Variants in THRB observed in about 807,000 individuals in gnomAD.
THRB encodes the protein nuclear receptor subfamily 1 group A member 2.
THRB carries 12 observed loss-of-function variants against 47.8 expected under a neutral mutation model. The observed-to-expected ratio is 0.25, with a 90% confidence interval of 0.16 to 0.41. The LOEUF (loss-of-function observed/expected upper bound fraction) is 0.41, where lower values mean the gene tolerates loss of function less well. Among genes scored for constraint, THRB ranks in the 10% least tolerant of loss-of-function variants. The pLI is 1.00. For synonymous variants in THRB, 218 were observed against 212.2 expected (o/e 1.03, Z -0.24); for missense variants, 348 against 589.2 (o/e 0.59, Z 4.24).
intron 4 of THRB, among the ~76,000 whole-genome samples, chr3:24,208,397 C>T (rs2045638587): frequency 6.6e-6 from 1 of 152,160 alleles, no homozygotes; most frequent in South Asian, 2.1e-4. Flanking sequence ...CCAAGACAAT[C>T]CTAAGCCAAA....
At chr3:24,123,927 G>GCAAA in intron 10 of THRB, among the ~76,000 whole-genome samples, 1 of 152,252 alleles carries the variant, frequency 6.6e-6, no homozygotes, top group East Asian at 1.9e-4. Context: ...TCCAAAAGTG[G>GCAAA]CAAACAAAGG....
At chr3:24,322,021 G>A (rs1445525253) in intron 2 of THRB, among the ~76,000 whole-genome samples, 1 of 151,830 alleles carries the variant, frequency 6.6e-6, no homozygotes, top group Non-Finnish European at 1.5e-5. Context: ...TGGATTTGTG[G>A]CTTACTTTAT....
intron 1 of THRB, among the ~76,000 whole-genome samples, chr3:24,460,028 G>T (rs2073553449): frequency 1.3e-5 from 2 of 152,076 alleles, no homozygotes; most frequent in South Asian, 4.1e-4. Context: ...TATGGGTTAG[G>T]CAGTGCCTAA....
In THRB at chr3:24,121,500, T is replaced by C. The variant is rs909367698; in HGVS notation, c.*1384A>G. The C allele has an allele frequency of 3.3e-5, 5 of 152,666 alleles. No individual in the cohort carries two copies. Among genetic ancestry groups the C allele is most frequent in the African/African-American group, 1.2e-4 (5 of 41,468 alleles). 9.5% of individuals were successfully genotyped at this position (152,666 alleles called of 1,614,324 possible). On this transcript the variant is annotated 3_prime_UTR_variant, in exon 11 of 11. Transcript: ENST00000646209. ...ATTGCATGGGTACATTCTATGCCCA[T>C]TTTCTGACGCTGAAGAGATGAAGTG...
rs746323691 is a variant in THRB at position 24,481,229 on chromosome 3, G to GTTTTTTTTTTTTTTTTTT, written c.-261+13405_-261+13422dup. On this transcript the variant is annotated intron_variant, in intron 1 of 10. Transcript: ENST00000646209. ...TATATGTGTGGATGCGTTTCTTTCTGTTTTTTTTTTTTTTTTTTTTTTTTT... is the reference window on the plus strand; with the variant it reads ...TATATGTGTGGATGCGTTTCTTTCTGTTTTTTTTTTTTTTTTTTTTTTTTTTTTTTTTTTTTTTTTTTT... Among the ~76,000 whole-genome samples the GTTTTTTTTTTTTTTTTTT allele has an allele frequency of 2.2e-4, 12 of 55,366 alleles. 1 individual carries two copies. Among genetic ancestry groups the GTTTTTTTTTTTTTTTTTT allele is most frequent in the South Asian group, 7.2e-4 (1 of 1,390 alleles). The allele number at this position is 55,366 out of a possible 152,430, so 36.3% of individuals were successfully genotyped here. A position where few individuals can be genotyped will look rare whatever the true frequency, so the allele number is the denominator to read the frequency against.
chr3:24,212,330 G>A (rs1234701275), intron 4 of THRB, among the ~76,000 whole-genome samples: 2 of 152,092 alleles, frequency 1.3e-5, no homozygotes, highest in Admixed American at 1.3e-4. Context: ...CCTGGGAGGC[G>A]GAGGTTGTAG....
intron 1 of THRB, among the ~76,000 whole-genome samples, chr3:24,402,193 C>G (rs1560106966): frequency 6.6e-6 from 1 of 152,076 alleles, no homozygotes; most frequent in Non-Finnish European, 1.5e-5. Context: ...GAACTTTTCC[C>G]CAGCCACTGT....
At chr3:24,447,299 T>C (rs2072193663) in intron 1 of THRB, among the ~76,000 whole-genome samples, 1 of 152,182 alleles carries the variant, frequency 6.6e-6, no homozygotes. Flanking sequence ...TATGATTGAA[T>C]ATTTTGTACT....
intron 2 of THRB, among the ~76,000 whole-genome samples, chr3:24,334,681 T>A (rs1020606915): frequency 1.3e-5 from 2 of 152,152 alleles, no homozygotes; most frequent in East Asian, 3.9e-4. Context: ...TCTTTCACAG[T>A]ATTCCTGATT....
intron 2 of THRB, among the ~76,000 whole-genome samples, chr3:24,318,172 T>C (rs148075950): frequency 0.014 from 2,157 of 152,344 alleles, 19 homozygotes; most frequent in African/African-American, 0.02. Flanking sequence ...ATGATTCTTT[T>C]TGTTTGCAGG....
In THRB at chr3:24,272,347, AAACAACAAC is replaced by A. The variant is rs35975177; in HGVS notation, c.-43+24870_-43+24878del. On this transcript the variant is annotated intron_variant, in intron 3 of 10. Coordinates refer to ENST00000646209, the MANE Select transcript of THRB (RefSeq NM_001354712.2). ...GGTGACAGAGTAAGACTCTCTCTCA[AAACAACAAC>A]AACAACAACAACAACAAACAAAAAC... Among the ~76,000 whole-genome samples, 462 of 149,878 alleles carry A rather than the reference AAACAACAAC, an allele frequency of 3.1e-3. 1 individual carries two copies. Among genetic ancestry groups the A allele is most frequent in the Middle Eastern group, 0.01 (3 of 288 alleles).
intron 1 of THRB, among the ~76,000 whole-genome samples, chr3:24,476,014 C>A (rs964454109): frequency 6.6e-6 from 1 of 152,232 alleles, no homozygotes; most frequent in Non-Finnish European, 1.5e-5. Flanking sequence ...AGTTGGGAAG[C>A]TCAGAAGAAG....
At chr3:24,271,140 T>C (rs1419411136) in intron 3 of THRB, among the ~76,000 whole-genome samples, 3 of 152,252 alleles carry the variant, frequency 2.0e-5, no homozygotes, top group South Asian at 2.1e-4. Context: ...AAAAGTTCTA[T>C]ATACCAAGAG....
intron 1 of THRB, among the ~76,000 whole-genome samples, chr3:24,427,870 C>T (rs2069926892): frequency 6.6e-6 from 1 of 152,000 alleles, no homozygotes; most frequent in Admixed American, 6.6e-5. Context: ...TCTTGATTCA[C>T]TTCCTGAGGT....
At chr3:24,450,141 A>G (rs9882862) in intron 1 of THRB, among the ~76,000 whole-genome samples, 144,685 of 152,262 alleles carry the variant, frequency 0.95, 69,098 homozygotes, top group Non-Finnish European at 1. Context: ...TTATACAATT[A>G]AAAATCTCGT....
chr3:24,269,403 GCACACACACACACACA>G (rs200586026), intron 3 of THRB, among the ~76,000 whole-genome samples: 2 of 72,682 alleles, frequency 2.8e-5, no homozygotes. Flanking sequence ...GCGCGCGCGC[GCACACACACACACACA>G]CACACACACA....
chr3:24,441,175 A>G (rs62255441), intron 1 of THRB, among the ~76,000 whole-genome samples: 6,466 of 152,202 alleles, frequency 0.042, 184 homozygotes, highest in Non-Finnish European at 0.064. Flanking sequence ...GGCTTTTTCC[A>G]CTGTATGGCA....
chr3:24,125,025 G>C (rs73825917), intron 10 of THRB, among the ~76,000 whole-genome samples: 3,158 of 152,276 alleles, frequency 0.021, 98 homozygotes, highest in African/African-American at 0.072. Context: ...TTTGGTGTTT[G>C]ATAGTGTTTG....
rs541710112 is a variant in THRB, at chr3:24,464,195, G to A, written c.-261+30457C>T. 4.2e-3 allele frequency among the ~76,000 whole-genome samples: 635 copies of A among 150,248 alleles called. 3 individuals are homozygous for A. The highest frequency in any genetic ancestry group is 0.015 in the African/African-American group (595 of 40,824). On this transcript the variant is annotated intron_variant, in intron 1 of 10. Transcript: ENST00000646209. ...CGGGAGGCGGAGCCTGCAGTGAGCC[G>A]AGATCGCGCCACTGCACTCCAACCT...
Sources: gnomAD v4.1 joint callset for allele counts (sites outside exome capture counted in the v4.1 genomes callset) on GRCh38, gnomAD v4.1.1 for gene constraint, MANE v1.5 for transcripts, NCBI Gene and HGNC (gene_info 2026-07-23, HGNC 2026-07-21) for gene names.